RALGAPA2: variants seen among roughly 807,000 people sequenced by gnomAD.
RALGAPA2 encodes the protein Ral GTPase activating protein catalytic subunit alpha 2, also known as ral GTPase-activating protein subunit alpha-2.
RALGAPA2 carries 139 observed loss-of-function variants against 230.4 expected under a neutral mutation model. The observed-to-expected ratio is 0.60, with a 90% CI of 0.53 to 0.69. The LOEUF is 0.69. RALGAPA2 is among the 30% of genes least tolerant of loss of function. The pLI, the probability that RALGAPA2 is intolerant of heterozygous loss-of-function variation, is 0.00. For synonymous variants in RALGAPA2, 847 were observed against 837.8 expected (o/e 1.01, Z -0.19); for missense variants, 2,163 against 2,276.0 (o/e 0.95, Z 1.01).
At position 20,535,731 on chromosome 20, in the gene RALGAPA2, T is replaced by C. The variant is rs747130796; in HGVS notation, c.3473+14A>G. The C allele has an allele frequency of 1.7e-5, 26 of 1,545,168 alleles. 1 individual carries two copies. The South Asian group carries it at 2.8e-4, about 17-fold the overall frequency. On this transcript the variant is annotated intron_variant, in intron 26 of 39. Coordinates refer to ENST00000202677, the MANE Select transcript of RALGAPA2 (RefSeq NM_020343.4). ...TAAAATTCTAAAATAGTTTACCTCT[T>C]ATTCAACATTTACCTTGCATATTCA... is the stretch of plus-strand genomic sequence containing the variant.
At chr20:20,465,197 A>ACACACACACTCTCT (rs772089136) in intron 37 of RALGAPA2, among the ~76,000 whole-genome samples, 4 of 147,342 alleles carry the variant, frequency 2.7e-5, no homozygotes, top group East Asian at 2.1e-4. Flanking sequence ...ACACACACAC[A>ACACACACACTCTCT]CTCTCTCATA....
chr20:20,513,867 C>T (rs2062793256), intron 31 of RALGAPA2, among the ~76,000 whole-genome samples: 2 of 152,236 alleles, frequency 1.3e-5, no homozygotes, highest in African/African-American at 2.4e-5. Flanking sequence ...CTCTTCTCAA[C>T]TGCAGGCTTG....
chr20:20,498,821 A>C (rs1382399413), intron 35 of RALGAPA2, among the ~76,000 whole-genome samples: 1 of 152,222 alleles, frequency 6.6e-6, no homozygotes, highest in Admixed American at 6.5e-5. Context: ...AAGCCTTGTA[A>C]GACATAAGTG....
intron 23 of RALGAPA2, among the ~76,000 whole-genome samples, chr20:20,549,163 A>C (rs1234899444): frequency 6.6e-6 from 1 of 152,206 alleles, no homozygotes; most frequent in Non-Finnish European, 1.5e-5. Flanking sequence ...AATTTATGGG[A>C]ATTATGAACT....
At chr20:20,607,983 T>G (rs907160662) in intron 14 of RALGAPA2, among the ~76,000 whole-genome samples, 2 of 152,146 alleles carry the variant, frequency 1.3e-5, no homozygotes, top group African/African-American at 4.8e-5. Flanking sequence ...TTTTAATCAA[T>G]TACCATTTTC....
At chr20:20,690,586 C>A (rs1304503168) in intron 1 of RALGAPA2, among the ~76,000 whole-genome samples, 1 of 143,252 alleles carries the variant, frequency 7.0e-6, no homozygotes, top group East Asian at 2.4e-4. Context: ...CCCACTATAT[C>A]CAATAAAGCT....
In RALGAPA2 at chr20:20,571,607, T is replaced by C. The variant is rs559634215; in HGVS notation, c.3007A>G (p.Thr1003Ala). The C allele has an allele frequency of 9.9e-6, 16 of 1,608,892 alleles. No individual in the cohort carries two copies. The Admixed American group carries it at 2.5e-4, about 25-fold the overall frequency. Residue 1003 changes from threonine to alanine, a missense_variant, in exon 23 of 40, where the codon ACA becomes GCA. Thr to Ala is a moderately conservative substitution (Grantham distance 58). Transcript: ENST00000202677. ...CCTTCCTTATATTCATTTGGCAGTG[T>C]CGCCGCCTGTCAAGGAGATGATGTT... is the stretch of plus-strand genomic sequence containing the variant. ...MFASWLFKAA[T>A]LPNEYKEGKL...
chr20:20,520,728 T>C (rs1388458008), intron 31 of RALGAPA2, among the ~76,000 whole-genome samples, 189 bp downstream of exon 31: 1 of 151,888 alleles, frequency 6.6e-6, no homozygotes. Flanking sequence ...CCATTTGAAC[T>C]ACTAAAATGG....
chr20:20,559,392 C>T (rs6082047), intron 23 of RALGAPA2, among the ~76,000 whole-genome samples: 6 of 151,958 alleles, frequency 3.9e-5, no homozygotes, highest in Admixed American at 3.3e-4. Context: ...ACAATCCCAA[C>T]GGAAGCCAGC....
At chr20:20,431,357 G>T (rs921952442) in intron 37 of RALGAPA2, among the ~76,000 whole-genome samples, 1 of 152,162 alleles carries the variant, frequency 6.6e-6, no homozygotes, top group African/African-American at 2.4e-5. Flanking sequence ...AGGCTGGAGG[G>T]GGGAGAAGGA....
chr20:20,705,678 T>C (rs974107672), intron 1 of RALGAPA2, among the ~76,000 whole-genome samples: 3 of 152,082 alleles, frequency 2.0e-5, no homozygotes, highest in African/African-American at 7.2e-5. Context: ...TTGTTTTGTT[T>C]TGTTTTGTTT....
At chr20:20,401,085 T>G (rs377385275) in intron 38 of RALGAPA2, among the ~76,000 whole-genome samples, 5 of 152,184 alleles carry the variant, frequency 3.3e-5, no homozygotes, top group African/African-American at 1.2e-4. Flanking sequence ...GATGAAATGT[T>G]ATAGAATTTG....
At chr20:20,624,806 A>G (rs2066440891) in intron 10 of RALGAPA2, among the ~76,000 whole-genome samples, 1 of 152,220 alleles carries the variant, frequency 6.6e-6, no homozygotes, top group African/African-American at 2.4e-5. Context: ...TGGATTTTAA[A>G]CAATTCCTTC....
At chr20:20,506,487 T>A (rs866705266) in intron 33 of RALGAPA2, among the ~76,000 whole-genome samples, 1 of 152,194 alleles carries the variant, frequency 6.6e-6, no homozygotes, top group Non-Finnish European at 1.5e-5. Context: ...ACTGTTCTTA[T>A]TCAAACGGAG....
At chr20:20,611,450 C>T in intron 13 of RALGAPA2, 24 bp from the exon 14 acceptor site, 2 of 1,605,992 alleles carry the variant, frequency 1.2e-6, no homozygotes, top group South Asian at 1.1e-5. Flanking sequence ...AATAAAAGCT[C>T]ATATTAATAA....
In RALGAPA2 at chr20:20,412,159, C is replaced by T. The variant is rs759562509; in HGVS notation, c.5496-11G>A. The T allele has an allele frequency of 9.3e-6, 15 of 1,613,374 alleles. 1 individual carries two copies. The South Asian group carries it at 1.2e-4, about 13-fold the overall frequency. On this transcript the variant is annotated splice_polypyrimidine_tract_variant and intron_variant, in intron 37 of 39. Coordinates refer to ENST00000202677, the MANE Select transcript of RALGAPA2 (RefSeq NM_020343.4). The stretch of plus-strand genomic sequence containing the variant: ...GCTCGCTCTTCATAGCTGCGGTAAT[C>T]GGTTAAGGAAACAAGTGCACGTGCA...
rs1416781186 is a variant in RALGAPA2, at chr20:20,512,898, T to G, written c.4471A>C (p.Asn1491His). 1 of 1,613,904 alleles carries G rather than the reference T, an allele frequency of 6.2e-7. No homozygotes were observed. The highest frequency in any genetic ancestry group is 1.7e-5 in the Admixed American group (1 of 60,018). Residue 1491 changes from asparagine (N) to histidine (H), a missense_variant, in exon 32 of 40, where the codon AAT becomes CAT. Transcript: ENST00000202677. ...CAGCTCGAAATCAGAAATGAAGGAT[T>G]TCTTCCATTGGGTGCTAAGCAGCCT... is the stretch of plus-strand genomic sequence containing the variant. The part of the protein sequence containing the change: ...LEGCLAPNGR[N>H]PSFLISSWHR...
At chr20:20,644,060 T>C (rs1291706583) in intron 4 of RALGAPA2, among the ~76,000 whole-genome samples, 1 of 152,142 alleles carries the variant, frequency 6.6e-6, no homozygotes, top group African/African-American at 2.4e-5. Context: ...TCCAGTCAAC[T>C]ACAAAAACTG....
chr20:20,693,122 C>A (rs2068976625), intron 1 of RALGAPA2, among the ~76,000 whole-genome samples: 1 of 152,138 alleles, frequency 6.6e-6, no homozygotes. Flanking sequence ...ACATCAAATT[C>A]TTAGAAATCA....
Sources: gnomAD v4.1 joint callset for allele counts (sites outside exome capture counted in the v4.1 genomes callset) on GRCh38, gnomAD v4.1.1 for gene constraint, MANE v1.5 for transcripts, NCBI Gene and HGNC (gene_info 2026-07-23, HGNC 2026-07-21) for gene names.